Variants in ESYT3 observed in about 807,000 individuals in gnomAD.
ESYT3 encodes the protein extended synaptotagmin 3, also known as extended synaptotagmin-3.
ESYT3 carries 101 observed loss-of-function variants against 111.5 expected under a neutral mutation model. The observed-to-expected ratio is 0.91, with a 90% confidence interval of 0.77 to 1.07. The LOEUF is 1.07. Ranked by LOEUF, ESYT3 falls within the 50% of genes least tolerant of loss-of-function variation. The pLI, the probability that ESYT3 is intolerant of heterozygous loss-of-function variation, is 0.00. For synonymous variants in ESYT3, 416 were observed against 446.8 expected, an observed-to-expected ratio of 0.93 and a Z score of 0.87; for missense variants, 1,097 against 1,109.4, an observed-to-expected ratio of 0.99 and a Z score of 0.16.
Position 138,464,319 on chromosome 3 carries a change from G to A in ESYT3, c.916-26G>A. 3 of 1,612,460 alleles carry A rather than the reference G, an allele frequency of 1.9e-6. 1 individual carries two copies. Among genetic ancestry groups the A allele is most frequent in the Non-Finnish European group, 2.5e-6 (3 of 1,179,028 alleles). Reference sequence around the variant, plus strand: ...CTTGGAGGCCCCAGGAAGCAGCTGTGAGCCCTGGGCTTGGACATTTTCCAG... The same window carrying A: ...CTTGGAGGCCCCAGGAAGCAGCTGTAAGCCCTGGGCTTGGACATTTTCCAG... On this transcript the variant is annotated intron_variant, in intron 8 of 22. Coordinates refer to ENST00000389567, the MANE Select transcript of ESYT3 (RefSeq NM_031913.5).
intron 3 of ESYT3, among the ~76,000 whole-genome samples, chr3:138,456,598 G>A (rs543793218): frequency 7.8e-4 from 119 of 152,312 alleles, no homozygotes; most frequent in African/African-American, 1.1e-3. Flanking sequence ...CCGGAGCTCC[G>A]CCTCCTGTCA....
At chr3:138,461,242 G>A (rs2108616065) in intron 7 of ESYT3, among the ~76,000 whole-genome samples, 1 of 152,322 alleles carries the variant, frequency 6.6e-6, no homozygotes, top group African/African-American at 2.4e-5. Flanking sequence ...CAAGTGTGTG[G>A]TGAGAAGCCG....
intron 1 of ESYT3, among the ~76,000 whole-genome samples, chr3:138,445,256 G>T (rs2031458760): frequency 6.6e-6 from 1 of 152,166 alleles, no homozygotes; most frequent in Non-Finnish European, 1.5e-5. Flanking sequence ...GTGATTTTAG[G>T]GCTCAGTTCA....
rs1463906210 is a variant in ESYT3, at chr3:138,477,472, T to TTATACTGA, written c.*625_*632dup. On this transcript the variant is annotated 3_prime_UTR_variant, in exon 23 of 23. Coordinates refer to ENST00000389567, the MANE Select transcript of ESYT3 (RefSeq NM_031913.5). ...ATGTATTTCCCTACTGGCAAAAATG[T>TTATACTGA]TATACTGATATACTTAAATACCTTG... 1 of 152,546 alleles carries TTATACTGA rather than the reference T, an allele frequency of 6.6e-6. No homozygotes were observed. Among genetic ancestry groups the TTATACTGA allele is most frequent in the African/African-American group, 2.4e-5 (1 of 41,460 alleles). The allele number at this position is 152,546 out of a possible 1,614,324, so 9.4% of individuals were successfully genotyped here. A position where few individuals can be genotyped will look rare whatever the true frequency, so the allele number is the denominator to read the frequency against.
At chr3:138,450,553 C>T (rs2031854271) in intron 1 of ESYT3, among the ~76,000 whole-genome samples, 1 of 152,186 alleles carries the variant, frequency 6.6e-6, no homozygotes, top group Non-Finnish European at 1.5e-5. Flanking sequence ...CTGCCCAGAG[C>T]AAGGGAAACT....
At chr3:138,468,012 C>A in intron 11 of ESYT3, 93 bp from the exon 12 acceptor site, 1 of 1,131,210 alleles carries the variant, frequency 8.8e-7, no homozygotes, top group Non-Finnish European at 1.3e-6. Flanking sequence ...CCTGTCCCTA[C>A]TAGGATGCCA....
rs1370321803 is a variant in ESYT3, at chr3:138,468,094, C to T, written c.1219-11C>T. On this transcript the variant is annotated splice_polypyrimidine_tract_variant and intron_variant, in intron 11 of 22. Coordinates refer to ENST00000389567, the MANE Select transcript of ESYT3 (RefSeq NM_031913.5). Reference sequence around the variant, plus strand: ...GCCCTTTTCCCTGAGCTTTCTGCCCCTACCCCACAGTGGTTTGTCCTGAAT... The same window carrying T: ...GCCCTTTTCCCTGAGCTTTCTGCCCTTACCCCACAGTGGTTTGTCCTGAAT... 3 of 1,613,904 alleles carry T rather than the reference C, an allele frequency of 1.9e-6. No individual in the cohort carries two copies. In the South Asian group the frequency reaches 3.3e-5, roughly 18 times the overall value.
chr3:138,457,184 C>T (rs2032329598), intron 3 of ESYT3, among the ~76,000 whole-genome samples: 1 of 152,208 alleles, frequency 6.6e-6, no homozygotes, highest in Non-Finnish European at 1.5e-5. Context: ...GTGAGTATTG[C>T]CAGCTTCCTC....
Position 138,449,065 on chromosome 3 carries a change from G to A in ESYT3, c.328-2983G>A, listed in dbSNP as rs1031055810. Among the ~76,000 whole-genome samples, 81 of 150,344 alleles carry A rather than the reference G, an allele frequency of 5.4e-4. 1 individual carries two copies. The highest frequency in any genetic ancestry group is 2.0e-3 in the African/African-American group (80 of 40,760). On this transcript the variant is annotated intron_variant, in intron 1 of 22. Transcript: ENST00000389567. Reference sequence around the variant, plus strand: ...TGTGGGCCTTGGTCATTCTGTTGCTGCCTACACTTTCTTTTTCTTTTTTTT... The same window carrying A: ...TGTGGGCCTTGGTCATTCTGTTGCTACCTACACTTTCTTTTTCTTTTTTTT...
intron 5 of ESYT3, among the ~76,000 whole-genome samples, chr3:138,459,511 G>A (rs1435122606): frequency 6.6e-6 from 1 of 152,246 alleles, no homozygotes; most frequent in East Asian, 1.9e-4. Context: ...TTGGCTGCCT[G>A]GCGAGGAGAG....
intron 1 of ESYT3, among the ~76,000 whole-genome samples, chr3:138,449,575 C>T (rs916545202): frequency 1.3e-5 from 2 of 152,122 alleles, no homozygotes; most frequent in East Asian, 3.9e-4. Flanking sequence ...TTGACTAACT[C>T]CCAAGAGTGG....
At chr3:138,445,106 G>A (rs2031442681) in intron 1 of ESYT3, among the ~76,000 whole-genome samples, 2 of 152,200 alleles carry the variant, frequency 1.3e-5, no homozygotes, top group Non-Finnish European at 2.9e-5. Context: ...GTACTGTAGC[G>A]AGCTCTCCAG....
chr3:138,469,368 G>A, intron 14 of ESYT3, 68 bp from the exon 15 acceptor site: 4 of 1,392,816 alleles, frequency 2.9e-6, no homozygotes, highest in East Asian at 2.3e-5. Context: ...CTGGGGGTTG[G>A]GGGTAGGACT....
intron 7 of ESYT3, among the ~76,000 whole-genome samples, chr3:138,461,702 G>T (rs1321110520): frequency 6.6e-6 from 1 of 152,214 alleles, no homozygotes; most frequent in East Asian, 1.9e-4. Flanking sequence ...ATTAGCTCCA[G>T]GTTAGAGGTG....
At chr3:138,455,108 G>C in intron 2 of ESYT3, 86 bp from the exon 3 acceptor site, 1 of 1,519,572 alleles carries the variant, frequency 6.6e-7, no homozygotes, top group Non-Finnish European at 9.0e-7. Context: ...CCAGGCTGCA[G>C]AGAATCAGGA....
Position 138,468,688 on chromosome 3 carries a change from GTCT to G in ESYT3, c.1347_1349del (p.Phe449del). 1.2e-6 allele frequency: 2 copies of G among 1,614,144 alleles called. No individual in the cohort carries two copies. The highest frequency in any genetic ancestry group is 4.5e-5 in the East Asian group (2 of 44,878). On this transcript the variant is annotated inframe_deletion, in exon 13 of 23. Transcript: ENST00000389567. ...TGGCCTTTCCACTGCCATTCTCGTG[GTCT>G]TCTTGGAGAGTGCCTGCAACTTGCC...
intron 1 of ESYT3, among the ~76,000 whole-genome samples, chr3:138,439,382 G>T (rs939169181): frequency 3.3e-5 from 5 of 152,104 alleles, no homozygotes; most frequent in Non-Finnish European, 7.4e-5. Flanking sequence ...GCTTTTCCTG[G>T]AGCCTGCTCC....
At chr3:138,475,434 C>T (rs1042008703) in intron 20 of ESYT3, among the ~76,000 whole-genome samples, 4 of 152,156 alleles carry the variant, frequency 2.6e-5, no homozygotes, top group African/African-American at 9.7e-5. Flanking sequence ...GAGTTGGCAG[C>T]CTCCACCCTA....
chr3:138,473,072 A>C (rs2033314587), intron 18 of ESYT3: 1 of 1,417,360 alleles, frequency 7.1e-7, no homozygotes, highest in South Asian at 1.6e-5. Flanking sequence ...CTGACTATAA[A>C]ATAGATGCTG....
Sources: gnomAD v4.1 joint callset for allele counts (sites outside exome capture counted in the v4.1 genomes callset) on GRCh38, gnomAD v4.1.1 for gene constraint, MANE v1.5 for transcripts, NCBI Gene and HGNC (gene_info 2026-07-23, HGNC 2026-07-21) for gene names.